Variants in USH2A observed in about 807,000 individuals in gnomAD.
USH2A encodes the protein Usher syndrome 2A (autosomal recessive, mild).
USH2A carries 443 observed loss-of-function variants against 538.9 expected under a neutral mutation model. The ratio of observed to expected loss-of-function variants is 0.82; its 90% confidence interval spans 0.76 to 0.89. The LOEUF (loss-of-function observed/expected upper bound fraction) is 0.89, where lower values mean the gene tolerates loss of function less well. Among genes scored for constraint, USH2A ranks in the 40% least tolerant of loss-of-function variants. USH2A has a pLI of 0.00. For synonymous variants in USH2A, 2,413 were observed against 2,273.5 expected, an observed-to-expected ratio of 1.06 and a Z score of -1.75; for missense variants, 6,633 against 6,324.8, an observed-to-expected ratio of 1.05 and a Z score of -1.65.
intron 21 of USH2A, among the ~76,000 whole-genome samples, chr1:216,142,887 C>A (rs554386274): frequency 5.3e-5 from 8 of 152,160 alleles, no homozygotes; most frequent in South Asian, 4.1e-4. Context: ...AATTTCCCCC[C>A]ACGTGTTTTA....
chr1:215,711,115 T>C (rs1659327378), intron 61 of USH2A, among the ~76,000 whole-genome samples: 1 of 152,174 alleles, frequency 6.6e-6, no homozygotes, highest in African/African-American at 2.4e-5. Flanking sequence ...GCATATAATC[T>C]TTGAATGCCC....
intron 11 of USH2A, among the ~76,000 whole-genome samples, chr1:216,275,896 G>T (rs544376375): frequency 3.3e-5 from 5 of 151,992 alleles, no homozygotes; most frequent in African/African-American, 1.2e-4. Flanking sequence ...CAAACAAATG[G>T]GTATGTTTCC....
rs761972136 is a variant in USH2A, at chr1:215,879,096, G to C, written c.8226C>G (p.Val2742=). ...TCTGGATGAGTGGGGGTTTCCAAGT[G>C]ACCTGAAATGAAAGATAAACTTAGA... ...VTVLEPDAVQ[V]TWKPPLIQNG... Residue 2742 remains valine (V), a splice_region_variant and synonymous_variant, in exon 42 of 72, where the codon GTC becomes GTG. Transcript: ENST00000307340. 1 of 1,612,322 alleles carries C rather than the reference G, an allele frequency of 6.2e-7. No individual in the cohort carries two copies. The highest frequency in any genetic ancestry group is 8.5e-7 in the Non-Finnish European group (1 of 1,178,614).
intron 64 of USH2A, among the ~76,000 whole-genome samples, chr1:215,667,244 A>T (rs951130574): frequency 8.5e-5 from 13 of 152,190 alleles, no homozygotes; most frequent in African/African-American, 2.9e-4. Flanking sequence ...GAACACTTAG[A>T]AGGTGCTTGT....
intron 21 of USH2A, among the ~76,000 whole-genome samples, chr1:216,108,726 A>G (rs986598095): frequency 1.8e-4 from 28 of 151,968 alleles, no homozygotes; most frequent in African/African-American, 6.3e-4. Flanking sequence ...GCACTGACCA[A>G]TTTGCTATTA....
chr1:216,192,604 A>G (rs189392702), intron 19 of USH2A, among the ~76,000 whole-genome samples: 11 of 152,172 alleles, frequency 7.2e-5, no homozygotes, highest in African/African-American at 2.6e-4. Flanking sequence ...TGGAAGGCTG[A>G]AGCACAAGAA....
At chr1:216,144,670 T>C (rs2033661297) in intron 21 of USH2A, among the ~76,000 whole-genome samples, 1 of 152,222 alleles carries the variant, frequency 6.6e-6, no homozygotes, top group Admixed American at 6.5e-5. Flanking sequence ...TTCGCCTACC[T>C]GACCACTGGG....
intron 38 of USH2A, among the ~76,000 whole-genome samples, chr1:215,912,499 A>ATATACT (rs1553275508): frequency 2.3e-5 from 1 of 43,236 alleles, no homozygotes; most frequent in East Asian, 1.0e-3. Flanking sequence ...ATGTGTATAT[A>ATATACT]TATATATATA....
intron 3 of USH2A, among the ~76,000 whole-genome samples, chr1:216,375,341 G>T (rs2038797679): frequency 6.6e-6 from 1 of 152,150 alleles, no homozygotes; most frequent in African/African-American, 2.4e-5. Flanking sequence ...CTTCATCAGT[G>T]ATCTTATCTA....
At chr1:216,322,641 G>A (rs908190285) in intron 8 of USH2A, among the ~76,000 whole-genome samples, 1 of 150,516 alleles carries the variant, frequency 6.6e-6, no homozygotes, top group Non-Finnish European at 1.5e-5. Flanking sequence ...AGAATATAAA[G>A]TTGACAATAA....
intron 61 of USH2A, among the ~76,000 whole-genome samples, chr1:215,707,779 G>A (rs1053312688): frequency 6.6e-6 from 1 of 152,102 alleles, no homozygotes; most frequent in African/African-American, 2.4e-5. Flanking sequence ...TAATCCATTA[G>A]GAATGTAAAA....
In USH2A at chr1:216,089,056, C is replaced by G. The variant is rs2032220342; in HGVS notation, c.4842G>C (p.Arg1614Ser). The G allele has an allele frequency of 6.2e-7, 1 of 1,613,454 alleles. No individual in the cohort carries two copies. The highest frequency in any genetic ancestry group is 8.5e-7 in the Non-Finnish European group (1 of 1,179,612). Reference protein sequence around the residue: ...DGKWHEIIAIRHQAFGQITLD... With the variant: ...DGKWHEIIAISHQAFGQITLD... ...GAGTGATTTGGCCAAAAGCCTGATG[C>G]CTAATAGCAATTATTTCATGCCATT... Residue 1614 changes from arginine (R) to serine (S), a missense_variant, in exon 23 of 72, where the codon AGG becomes AGC. Coordinates refer to ENST00000307340, the MANE Select transcript of USH2A (RefSeq NM_206933.4).
chr1:216,104,372 C>T (rs2032678378), intron 21 of USH2A, among the ~76,000 whole-genome samples: 2 of 152,076 alleles, frequency 1.3e-5, no homozygotes, highest in African/African-American at 4.8e-5. Context: ...CAGCTTCATC[C>T]ATGTCCCTAC....
intron 46 of USH2A, among the ~76,000 whole-genome samples, chr1:215,841,198 A>G (rs1663667225): frequency 1.3e-5 from 2 of 152,238 alleles, no homozygotes; most frequent in Admixed American, 1.3e-4. Flanking sequence ...AAACTACTTT[A>G]AAGTTCATAT....
intron 3 of USH2A, among the ~76,000 whole-genome samples, chr1:216,407,331 T>C (rs2039412138): frequency 6.6e-6 from 1 of 152,034 alleles, no homozygotes; most frequent in African/African-American, 2.4e-5. Context: ...TACTAATAAT[T>C]TTTCACAGTT....
rs75902391 is a variant in USH2A at position 216,258,038 on chromosome 1, A to G, written c.1972-6940T>C. On this transcript the variant is annotated intron_variant, in intron 11 of 71. Coordinates refer to ENST00000307340, the MANE Select transcript of USH2A (RefSeq NM_206933.4). ...TGGATCAATTTTGATTGATGCATTT[A>G]CATCCTCATTATAAGTTGTACTTTC... is the stretch of plus-strand genomic sequence containing the variant. 1.1e-3 allele frequency among the ~76,000 whole-genome samples: 171 copies of G among 152,204 alleles called. 1 individual carries two copies. Among genetic ancestry groups the G allele is most frequent in the African/African-American group, 3.9e-3 (162 of 41,564 alleles).
intron 19 of USH2A, among the ~76,000 whole-genome samples, chr1:216,192,023 T>C (rs1254150268): frequency 6.6e-6 from 1 of 152,110 alleles, no homozygotes; most frequent in African/African-American, 2.4e-5. Flanking sequence ...AGACTTTGTC[T>C]TTATCATGTA....
At chr1:216,131,382 C>T (rs553999248) in intron 21 of USH2A, among the ~76,000 whole-genome samples, 3 of 151,972 alleles carry the variant, frequency 2.0e-5, no homozygotes, top group Non-Finnish European at 4.4e-5. Context: ...GAAATCCTTG[C>T]CTAAACCAAT....
intron 30 of USH2A, among the ~76,000 whole-genome samples, chr1:216,050,599 T>TC (rs1553294806): frequency 1.0e-5 from 1 of 95,718 alleles, no homozygotes; most frequent in Admixed American, 1.2e-4. Context: ...TTTCTTTCTT[T>TC]CTTTCTTTTT....
Sources: allele counts gnomAD v4.1 joint callset (sites outside exome capture counted in the v4.1 genomes callset), GRCh38; gene constraint gnomAD v4.1.1; transcripts MANE v1.5; gene names NCBI Gene and HGNC (gene_info 2026-07-23, HGNC 2026-07-21).